The following ZNF507 variants were observed in gnomAD, a reference collection of about 807,000 sequenced individuals.
ZNF507 encodes the protein zinc finger protein 507.
A neutral mutation model predicts 80.0 loss-of-function variants in ZNF507; 29 were observed. That is an observed-to-expected ratio of 0.36 (90% CI 0.27 to 0.49). The LOEUF (loss-of-function observed/expected upper bound fraction) is 0.49. Ranked by LOEUF, ZNF507 falls within the 20% of genes least tolerant of loss-of-function variation. ZNF507 has a pLI of 0.98. For missense variants in ZNF507, 1,081 were observed against 1,152.2 expected (o/e 0.94, Z 0.90); for synonymous variants, 462 against 422.5 (o/e 1.09, Z -1.15).
At chr19:32,369,553 T>A (rs1967441932) in intron 5 of ZNF507, among the ~76,000 whole-genome samples, 1 of 152,192 alleles carries the variant, frequency 6.6e-6, no homozygotes, top group Non-Finnish European at 1.5e-5. Context: ...GGAAATATGA[T>A]TGTTGCTGGT....
Position 32,353,276 on chromosome 19 carries a change from A to G in ZNF507, c.446A>G (p.Gln149Arg). 1 of 1,614,234 alleles carries G rather than the reference A, an allele frequency of 6.2e-7. No homozygotes were observed. The highest frequency in any genetic ancestry group is 1.1e-5 in the South Asian group (1 of 91,088). The change falls in exon 3 of 7, where the codon CAG (glutamine) becomes CGG (arginine). Residue 149 changes from glutamine (Q) to arginine (R), a missense_variant. Gln to Arg is a conservative substitution (Grantham distance 43). Coordinates refer to ENST00000355898, the MANE Select transcript of ZNF507 (RefSeq NM_001136156.2). Reference sequence around the variant, plus strand: ...AAAGATCATATTAAGCAACATGGTCAGCAAAATGAAGTGATACTGATGTGC... The same window carrying G: ...AAAGATCATATTAAGCAACATGGTCGGCAAAATGAAGTGATACTGATGTGC... ...VLKDHIKQHG[Q>R]QNEVILMCSE...
rs751822371 is a variant in ZNF507, at chr19:32,382,856, G to A, written c.2635G>A (p.Glu879Lys). The A allele has an allele frequency of 2.9e-5, 47 of 1,613,990 alleles. No individual in the cohort carries two copies. The highest frequency in any genetic ancestry group is 3.3e-5 in the Non-Finnish European group (39 of 1,180,032). Residue 879 changes from glutamate (E) to lysine (K), a missense_variant, in exon 7 of 7, where the codon GAG becomes AAG. Physicochemically the swap from Glu to Lys is moderately conservative, Grantham distance 56. Transcript: ENST00000355898. ...TCCCAGTGAAGTTCTGGGTACCAAC[G>A]AGAATGAGAAACTGAGCCCTACAAG... ...QTPSEVLGTN[E>K]NEKLSPTSNT... is the part of the protein sequence containing the mutation.
At chr19:32,372,236 G>A (rs764981902) in intron 5 of ZNF507, among the ~76,000 whole-genome samples, 2 of 152,078 alleles carry the variant, frequency 1.3e-5, no homozygotes, top group East Asian at 1.9e-4. Context: ...ATCTACATAT[G>A]TACATTAAAA....
At chr19:32,348,303 AT>A (rs11312458) in intron 2 of ZNF507, among the ~76,000 whole-genome samples, 136,940 of 149,574 alleles carry the variant, frequency 0.92, 62,765 homozygotes, top group African/African-American at 0.97. Context: ...TTATAGCACA[AT>A]TTTTTTTTTT....
chr19:32,352,577 C>T (rs1475273795), intron 2 of ZNF507, among the ~76,000 whole-genome samples: 1 of 151,080 alleles, frequency 6.6e-6, no homozygotes. Context: ...AAAAGATCAT[C>T]ATTTCCGAAG....
intron 1 of ZNF507, among the ~76,000 whole-genome samples, chr19:32,346,880 T>C (rs757053776): frequency 6.6e-6 from 1 of 152,234 alleles, no homozygotes; most frequent in Non-Finnish European, 1.5e-5. Flanking sequence ...ACTCGTTAGA[T>C]TGTATTTTTA....
chr19:32,382,703 G>C lies in ZNF507; in HGVS notation c.2496-14G>C, dbSNP rs199517084. ...AGCCTCCTCACGGTGTGCTGTGTTT[G>C]TTTTGTTTTTAAGAGTTCTGGGGAA... On this transcript the variant is annotated splice_polypyrimidine_tract_variant and intron_variant, in intron 6 of 6. Transcript: ENST00000355898. The C allele has an allele frequency of 1.2e-5, 19 of 1,609,866 alleles. No homozygotes were observed. The highest frequency in any genetic ancestry group is 3.4e-5 in the Admixed American group (2 of 59,620).
At chr19:32,348,917 A>G (rs573062400) in intron 2 of ZNF507, among the ~76,000 whole-genome samples, 1 of 152,308 alleles carries the variant, frequency 6.6e-6, no homozygotes, top group South Asian at 2.1e-4. Context: ...GTCAACTTGT[A>G]TCAGCAGTAT....
At chr19:32,349,299 A>G (rs1193470267) in intron 2 of ZNF507, among the ~76,000 whole-genome samples, 2 of 152,202 alleles carry the variant, frequency 1.3e-5, no homozygotes, top group East Asian at 3.9e-4. Context: ...TCCCTCTGAC[A>G]GAGAGCAGAA....
In ZNF507 at chr19:32,386,377, CTTAT is replaced by C. The variant is rs1354569956; in HGVS notation, c.*3298_*3301del. ...ATTGTGTTTTTAGTTTTCATAGACACTTATTTAATCTTTTTAAATTGTACAGCAA... is the reference window on the plus strand; with the variant it reads ...ATTGTGTTTTTAGTTTTCATAGACACTTAATCTTTTTAAATTGTACAGCAA... On this transcript the variant is annotated 3_prime_UTR_variant, in exon 7 of 7. Transcript: ENST00000355898. 1 of 152,536 alleles carries C rather than the reference CTTAT, an allele frequency of 6.6e-6. No individual in the cohort carries two copies. Among genetic ancestry groups the C allele is most frequent in the Non-Finnish European group, 1.5e-5 (1 of 68,036 alleles). The allele number at this position is 152,536 out of a possible 1,614,324, so 9.4% of individuals were successfully genotyped here.
Position 32,356,736 on chromosome 19 carries a change from A to G in ZNF507, c.2245+3A>G. 6.2e-7 allele frequency: 1 copy of G among 1,610,336 alleles called. No homozygotes were observed. The highest frequency in any genetic ancestry group is 8.5e-7 in the Non-Finnish European group (1 of 1,176,564). On this transcript the variant is annotated splice_donor_region_variant and intron_variant, in intron 4 of 6. Coordinates refer to ENST00000355898, the MANE Select transcript of ZNF507 (RefSeq NM_001136156.2). Reference sequence around the variant, plus strand: ...TGATGGAAAATGTGTCCAGGAAGGTATCTATGTATTTTGTTATGCAGGCTG... The same window carrying G: ...TGATGGAAAATGTGTCCAGGAAGGTGTCTATGTATTTTGTTATGCAGGCTG...
At chr19:32,373,449 C>T (rs529971065) in intron 5 of ZNF507, among the ~76,000 whole-genome samples, 2 of 152,302 alleles carry the variant, frequency 1.3e-5, no homozygotes, top group African/African-American at 2.4e-5. Flanking sequence ...AGAGACTTAT[C>T]GAGTGGTTTG....
chr19:32,353,567 G>C lies in ZNF507; in HGVS notation c.737G>C (p.Gly246Ala). Residue 246 changes from glycine (G) to alanine (A), a missense_variant, in exon 3 of 7, where the codon GGC becomes GCC. Transcript: ENST00000355898. ...AAATGGTATGCATACGAACAGTACG[G>C]CATGTATCGATGCTTGTTTTGTAGT... ...RRKWYAYEQY[G>A]MYRCLFCSYT... is the part of the protein sequence containing the mutation. The C allele has an allele frequency of 6.2e-7, 1 of 1,614,178 alleles. No homozygotes were observed. The highest frequency in any genetic ancestry group is 8.5e-7 in the Non-Finnish European group (1 of 1,180,036).
rs776647603 is a variant in ZNF507, at chr19:32,362,664, T to C, written c.2360+2046T>C. Among the ~76,000 whole-genome samples the C allele has an allele frequency of 7.8e-4, 119 of 152,328 alleles. 1 individual carries two copies. Among genetic ancestry groups the C allele is most frequent in the South Asian group, 3.3e-3 (16 of 4,824 alleles). The stretch of plus-strand genomic sequence containing the variant: ...TTGATAGCTGTCAGTGTCTCAGGGA[T>C]GTTTTCTTGTGTTCTTAAAATATTC... On this transcript the variant is annotated intron_variant, in intron 5 of 6. Coordinates refer to ENST00000355898, the MANE Select transcript of ZNF507 (RefSeq NM_001136156.2).
intron 5 of ZNF507, among the ~76,000 whole-genome samples, chr19:32,374,102 G>A (rs73032099): frequency 0.16 from 23,555 of 151,890 alleles, 2,174 homozygotes; most frequent in Non-Finnish European, 0.21. Flanking sequence ...CCTGTCGGGG[G>A]ACTGATAATG....
At chr19:32,358,993 G>A (rs1490619103) in intron 4 of ZNF507, 2 of 152,184 alleles carry the variant, frequency 1.3e-5, no homozygotes, top group African/African-American at 4.8e-5. Context: ...GCTTGAAGTA[G>A]CACAGGCTCT....
chr19:32,363,407 C>T (rs549070354), intron 5 of ZNF507, among the ~76,000 whole-genome samples: 2 of 152,184 alleles, frequency 1.3e-5, no homozygotes, highest in East Asian at 3.9e-4. Flanking sequence ...GAAACCTGTT[C>T]CTTTCTCGTG....
At chr19:32,351,329 A>G (rs1207996972) in intron 2 of ZNF507, among the ~76,000 whole-genome samples, 1 of 152,010 alleles carries the variant, frequency 6.6e-6, no homozygotes, top group Non-Finnish European at 1.5e-5. Context: ...AGATCTAGAA[A>G]GCTGGCTTGC....
intron 5 of ZNF507, among the ~76,000 whole-genome samples, 182 bp downstream of exon 5, chr19:32,360,800 C>G (rs1488203308): frequency 6.6e-6 from 1 of 152,036 alleles, no homozygotes; most frequent in Non-Finnish European, 1.5e-5. Flanking sequence ...GAGTCAGTGT[C>G]TTGCTGTATT....
Sources: gnomAD v4.1 joint callset for allele counts (sites outside exome capture counted in the v4.1 genomes callset) on GRCh38, gnomAD v4.1.1 for gene constraint, MANE v1.5 for transcripts, NCBI Gene and HGNC (gene_info 2026-07-23, HGNC 2026-07-21) for gene names.